The following OSBPL2 variants were observed in gnomAD, a reference collection of about 807,000 sequenced individuals.
OSBPL2 encodes the protein oxysterol binding protein like 2, also known as oxysterol-binding protein-related protein 2.
In OSBPL2, 18 loss-of-function variants were observed where a neutral mutation model predicts 58.4. That is an observed-to-expected ratio of 0.31 (90% CI 0.21 to 0.46). The LOEUF (loss-of-function observed/expected upper bound fraction) is 0.46. Among genes scored for constraint, OSBPL2 ranks in the 20% least tolerant of loss-of-function variants. The probability of loss-of-function intolerance (pLI) is 1.00; values close to 1 mark genes in which losing one functional copy is unlikely to be tolerated. For synonymous variants in OSBPL2, 221 were observed against 234.1 expected, an observed-to-expected ratio of 0.94 and a Z score of 0.51; for missense variants, 461 against 616.5, an observed-to-expected ratio of 0.75 and a Z score of 2.67.
intron 4 of OSBPL2, among the ~76,000 whole-genome samples, chr20:62,266,566 G>A (rs148692673): frequency 0.015 from 2,333 of 151,796 alleles, 28 homozygotes; most frequent in Non-Finnish European, 0.023. Context: ...TTCTGGATCC[G>A]AGGTGATTGG....
chr20:62,286,416 C>G, intron 10 of OSBPL2, 167 bp from the exon 11 acceptor site: 1 of 711,356 alleles, frequency 1.4e-6, no homozygotes, highest in Non-Finnish European at 2.4e-6. Context: ...CACCATTGCA[C>G]TCCAGCCTGG....
chr20:62,243,593 G>T (rs1052033041), intron 1 of OSBPL2, among the ~76,000 whole-genome samples: 7 of 152,138 alleles, frequency 4.6e-5, no homozygotes, highest in Non-Finnish European at 8.8e-5. Context: ...AAAAAGTGTG[G>T]GTTCAAGGCC....
chr20:62,270,323 C>T (rs1981975152), intron 4 of OSBPL2, among the ~76,000 whole-genome samples: 2 of 151,814 alleles, frequency 1.3e-5, no homozygotes, highest in East Asian at 3.9e-4. Context: ...CTCCTGGCCT[C>T]TCTGGGTCCT....
intron 2 of OSBPL2, among the ~76,000 whole-genome samples, chr20:62,256,428 G>T (rs970938403): frequency 3.9e-5 from 6 of 152,172 alleles, no homozygotes; most frequent in African/African-American, 1.4e-4. Flanking sequence ...CAGGGTTTAA[G>T]TCTCCCGAAG....
intron 10 of OSBPL2, chr20:62,285,241 C>T (rs933242953): frequency 6.6e-6 from 1 of 152,246 alleles, no homozygotes; most frequent in Non-Finnish European, 1.5e-5. Flanking sequence ...ACACACTAGA[C>T]AGACCTAGAA....
intron 7 of OSBPL2, chr20:62,279,882 TC>T: frequency 8.6e-7 from 1 of 1,161,804 alleles, no homozygotes; most frequent in Non-Finnish European, 1.1e-6. Context: ...CTTTGCACAC[TC>T]CCCCACCCTG....
At chr20:62,292,570 G>A (rs1290658974) in intron 13 of OSBPL2, among the ~76,000 whole-genome samples, 1 of 152,202 alleles carries the variant, frequency 6.6e-6, no homozygotes, top group East Asian at 1.9e-4. Flanking sequence ...ATTGAATAAG[G>A]ATTCAATCAA....
In OSBPL2 at chr20:62,281,339, G is replaced by A. The variant is rs569844961; in HGVS notation, c.782+174G>A. 1.4e-4 allele frequency: 81 copies of A among 584,086 alleles called. No homozygotes were observed. In the South Asian group the frequency reaches 1.7e-3, roughly 12 times the overall value. 36.2% of individuals were successfully genotyped at this position (584,086 alleles called of 1,614,324 possible). A position where few individuals can be genotyped will look rare whatever the true frequency, so the allele number is the denominator to read the frequency against. On this transcript the variant is annotated intron_variant, in intron 8 of 13. Transcript: ENST00000313733. Reference sequence around the variant, plus strand: ...CTAGACTTGACTCTGACCGGTGTTGGCCATGAATGCTCCTCGTTCAAGACC... The same window carrying A: ...CTAGACTTGACTCTGACCGGTGTTGACCATGAATGCTCCTCGTTCAAGACC...
intron 2 of OSBPL2, among the ~76,000 whole-genome samples, chr20:62,256,741 A>T (rs1980947149): frequency 6.6e-6 from 1 of 152,236 alleles, no homozygotes; most frequent in Non-Finnish European, 1.5e-5. Context: ...AAAAAGAAGA[A>T]AATGAAGACC....
intron 10 of OSBPL2, 24 bp downstream of exon 10, chr20:62,284,193 C>T: frequency 2.5e-6 from 4 of 1,613,908 alleles, no homozygotes; most frequent in Non-Finnish European, 3.4e-6. Context: ...CGTCCCCGGG[C>T]AGAGCTGAGC....
At chr20:62,255,876 C>T (rs1012217781) in intron 1 of OSBPL2, among the ~76,000 whole-genome samples, 181 bp from the exon 2 acceptor site, 10 of 152,310 alleles carry the variant, frequency 6.6e-5, no homozygotes, top group South Asian at 2.1e-4. Flanking sequence ...ATTGATCTTC[C>T]GTTATAAATG....
At chr20:62,283,091 G>A (rs1449145352) in intron 9 of OSBPL2, among the ~76,000 whole-genome samples, 1 of 152,072 alleles carries the variant, frequency 6.6e-6, no homozygotes, top group South Asian at 2.1e-4. Flanking sequence ...AGGCGGGGGC[G>A]CCGAGGCCAA....
At chr20:62,254,837 G>A (rs1331025008) in intron 1 of OSBPL2, among the ~76,000 whole-genome samples, 5 of 152,322 alleles carry the variant, frequency 3.3e-5, no homozygotes, top group African/African-American at 1.2e-4. Flanking sequence ...AGCTAAGGTC[G>A]TTGTGAGAAA....
intron 6 of OSBPL2, among the ~76,000 whole-genome samples, chr20:62,274,529 C>T (rs1011491611): frequency 6.6e-6 from 1 of 152,218 alleles, no homozygotes; most frequent in Non-Finnish European, 1.5e-5. Flanking sequence ...TGTGACAGGG[C>T]TAAGCTGTGG....
chr20:62,276,487 C>T (rs1982394097), intron 6 of OSBPL2, among the ~76,000 whole-genome samples: 1 of 152,254 alleles, frequency 6.6e-6, no homozygotes, highest in Non-Finnish European at 1.5e-5. Flanking sequence ...CTCATCCTGG[C>T]TGGGTCAGCT....
At chr20:62,262,514 T>C (rs982786537) in intron 3 of OSBPL2, among the ~76,000 whole-genome samples, 1 of 152,224 alleles carries the variant, frequency 6.6e-6, no homozygotes, top group Non-Finnish European at 1.5e-5. Context: ...ATTCACTGAA[T>C]GTGTGCACGG....
intron 1 of OSBPL2, among the ~76,000 whole-genome samples, chr20:62,243,264 T>C (rs778560935): frequency 2.6e-5 from 4 of 152,192 alleles, no homozygotes; most frequent in African/African-American, 9.7e-5. Context: ...CTCTTGATGA[T>C]GTAGCAGAGC....
chr20:62,239,967 C>G (rs1311791706), intron 1 of OSBPL2, among the ~76,000 whole-genome samples: 1 of 152,224 alleles, frequency 6.6e-6, no homozygotes, highest in African/African-American at 2.4e-5. Context: ...ATTCTCCTGC[C>G]TTAGCCTCCC....
chr20:62,293,917 G>A lies in OSBPL2; in HGVS notation c.*30G>A, dbSNP rs745662875. ...CTGGAGGGGCCTGGGGCCCGGGACC[G>A]GAGGCTGACGAGGCTGGACTTCCTC... On this transcript the variant is annotated 3_prime_UTR_variant, in exon 14 of 14. Coordinates refer to ENST00000313733, the MANE Select transcript of OSBPL2 (RefSeq NM_144498.4). 3.1e-6 allele frequency: 5 copies of A among 1,606,554 alleles called. No individual in the cohort carries two copies. The highest frequency in any genetic ancestry group is 1.7e-5 in the Admixed American group (1 of 58,338).
Sources: allele counts gnomAD v4.1 joint callset (sites outside exome capture counted in the v4.1 genomes callset), GRCh38; gene constraint gnomAD v4.1.1; transcripts MANE v1.5; gene names NCBI Gene and HGNC (gene_info 2026-07-23, HGNC 2026-07-21).